Variants in HSD17B13 observed in about 807,000 individuals in gnomAD.
HSD17B13 encodes the protein 17-beta-hydroxysteroid dehydrogenase 13.
HSD17B13 carries 26 observed loss-of-function variants against 31.1 expected under a neutral mutation model. That is an observed-to-expected ratio of 0.84 (90% CI 0.61 to 1.16). HSD17B13 has a LOEUF of 1.16. Ranked by LOEUF, HSD17B13 falls within the 50% of genes most tolerant of loss-of-function variation. The pLI is 0.00. For missense variants in HSD17B13, 374 were observed against 366.5 expected, an observed-to-expected ratio of 1.02 and a Z score of -0.17; for synonymous variants, 141 against 133.7, an observed-to-expected ratio of 1.05 and a Z score of -0.38.
intron 6 of HSD17B13, among the ~76,000 whole-genome samples, chr4:87,308,648 T>TCCAG (rs1734450452): frequency 6.7e-6 from 1 of 149,234 alleles, no homozygotes; most frequent in Non-Finnish European, 1.5e-5. Context: ...GCCACTGCAC[T>TCCAG]CCAGCCTGGG....
In HSD17B13 at chr4:87,315,492, C is replaced by A. The variant is rs1156590730; in HGVS notation, c.557+1G>T. ...TAACATGGCTGGCATGTGATACTTA[C>A]CAATATGGGATGAGGTAAGGAATCC... On this transcript the variant is annotated splice_donor_variant, in intron 4 of 6. Coordinates refer to ENST00000328546, the MANE Select transcript of HSD17B13 (RefSeq NM_178135.5). LOFTEE classifies it high-confidence loss of function. 3 of 1,574,322 alleles carry A rather than the reference C, an allele frequency of 1.9e-6. No individual in the cohort carries two copies. Among genetic ancestry groups the A allele is most frequent in the Non-Finnish European group, 2.6e-6 (3 of 1,146,380 alleles).
At position 87,304,453 on chromosome 4, in the gene HSD17B13, G is replaced by A. The variant is rs566954059; in HGVS notation, c.*765C>T. The A allele has an allele frequency of 3.5e-4, 54 of 152,236 alleles. No individual in the cohort carries two copies. Among genetic ancestry groups the A allele is most frequent in the African/African-American group, 1.2e-3 (49 of 41,532 alleles). 9.4% of individuals were successfully genotyped at this position (152,236 alleles called of 1,614,324 possible). On this transcript the variant is annotated 3_prime_UTR_variant, in exon 7 of 7. Transcript: ENST00000328546. Reference sequence around the variant, plus strand: ...AGCTTTAATTTTTGAGCCTAAAATTGTCTAAACATCTCTGGGACCAAGGAT... The same window carrying A: ...AGCTTTAATTTTTGAGCCTAAAATTATCTAAACATCTCTGGGACCAAGGAT...
chr4:87,318,480 G>A (rs1167316172), intron 1 of HSD17B13, 44 bp from the exon 2 acceptor site: 3 of 1,536,890 alleles, frequency 2.0e-6, no homozygotes, highest in Admixed American at 3.3e-5. Context: ...TGGAGGAGAA[G>A]ACATTGGAGA....
intron 5 of HSD17B13, among the ~76,000 whole-genome samples, chr4:87,312,975 C>T (rs1483442055): frequency 1.3e-5 from 2 of 149,552 alleles, no homozygotes; most frequent in African/African-American, 2.6e-5. Flanking sequence ...AGGAGAATTG[C>T]TTGAACCCAG....
chr4:87,308,513 A>T lies in HSD17B13; in HGVS notation c.812+1730T>A, dbSNP rs1423778128. ...AAAAAAAAAAAAAAAAAAAAAAAAA[A>T]AAAAAAAAAAAAAAAAAATAAGCTG... On this transcript the variant is annotated intron_variant, in intron 6 of 6. Coordinates refer to ENST00000328546, the MANE Select transcript of HSD17B13 (RefSeq NM_178135.5). 5.4e-3 allele frequency among the ~76,000 whole-genome samples: 633 copies of T among 116,438 alleles called. 16 individuals are homozygous for T. The highest frequency in any genetic ancestry group is 0.023 in the African/African-American group (606 of 25,964). The allele number at this position is 116,438 out of a possible 152,430, so 76.4% of individuals were successfully genotyped here. A position where few individuals can be genotyped will look rare whatever the true frequency, so the allele number is the denominator to read the frequency against.
chr4:87,310,765 G>A (rs1211741839), intron 5 of HSD17B13, among the ~76,000 whole-genome samples: 1 of 152,152 alleles, frequency 6.6e-6, no homozygotes, highest in East Asian at 1.9e-4. Context: ...TCTTTCTTGT[G>A]GAGGTATTCC....
At chr4:87,315,814 A>G (rs1294899861) in intron 3 of HSD17B13, among the ~76,000 whole-genome samples, 2 of 152,184 alleles carry the variant, frequency 1.3e-5, no homozygotes. Context: ...CACTAATCTC[A>G]GTACTCCCCC....
At chr4:87,310,963 T>C (rs898214015) in intron 5 of HSD17B13, among the ~76,000 whole-genome samples, 4 of 152,126 alleles carry the variant, frequency 2.6e-5, no homozygotes, top group Non-Finnish European at 4.4e-5. Flanking sequence ...AAAGACCTTG[T>C]TGATAAAATA....
chr4:87,312,831 A>C (rs1307021464), intron 5 of HSD17B13, among the ~76,000 whole-genome samples: 2 of 151,818 alleles, frequency 1.3e-5, no homozygotes, highest in Non-Finnish European at 2.9e-5. Context: ...AGGCCAAGGC[A>C]GGTAGGACAC....
At chr4:87,315,217 A>T (rs545460589) in intron 4 of HSD17B13, among the ~76,000 whole-genome samples, 2 of 152,330 alleles carry the variant, frequency 1.3e-5, no homozygotes, top group East Asian at 3.9e-4. Context: ...CCAAGTAACC[A>T]GTGGAAACCT....
chr4:87,315,813 C>G (rs1432335830), intron 3 of HSD17B13, among the ~76,000 whole-genome samples: 2 of 152,174 alleles, frequency 1.3e-5, no homozygotes. Context: ...ACACTAATCT[C>G]AGTACTCCCC....
intron 1 of HSD17B13, among the ~76,000 whole-genome samples, chr4:87,321,241 G>A (rs1456660275): frequency 6.6e-6 from 1 of 151,998 alleles, no homozygotes; most frequent in Non-Finnish European, 1.5e-5. Context: ...GTGCTGCCCA[G>A]GCTGGTCTTG....
At chr4:87,309,102 G>A (rs1020835726) in intron 6 of HSD17B13, among the ~76,000 whole-genome samples, 6 of 152,064 alleles carry the variant, frequency 3.9e-5, no homozygotes, top group African/African-American at 1.4e-4. Flanking sequence ...GTCAAATAGG[G>A]CTGGGCATGA....
In HSD17B13 at chr4:87,304,257, TGAG is replaced by T. The variant is rs1230781253; in HGVS notation, c.*958_*960del. The T allele has an allele frequency of 6.6e-6, 1 of 152,256 alleles. No homozygotes were observed. Among genetic ancestry groups the T allele is most frequent in the Non-Finnish European group, 1.5e-5 (1 of 68,190 alleles). 9.4% of individuals were successfully genotyped at this position (152,256 alleles called of 1,614,324 possible). Reference sequence around the variant, plus strand: ...CCGGGAGGTGGAGCTTGCAGTGAGCTGAGATCATACCACTGCACTCCAGCCTGG... The same window carrying T: ...CCGGGAGGTGGAGCTTGCAGTGAGCTATCATACCACTGCACTCCAGCCTGG... On this transcript the variant is annotated 3_prime_UTR_variant, in exon 7 of 7. Coordinates refer to ENST00000328546, the MANE Select transcript of HSD17B13 (RefSeq NM_178135.5).
At chr4:87,308,366 T>A (rs116212737) in intron 6 of HSD17B13, among the ~76,000 whole-genome samples, 2,570 of 151,240 alleles carry the variant, frequency 0.017, 63 homozygotes, top group African/African-American at 0.059. Flanking sequence ...AATAAATAAA[T>A]AGGCTGGGCT....
intron 1 of HSD17B13, among the ~76,000 whole-genome samples, chr4:87,319,607 G>A (rs1734734724): frequency 6.6e-6 from 1 of 152,190 alleles, no homozygotes; most frequent in Non-Finnish European, 1.5e-5. Context: ...TGATGATTCT[G>A]ACTCATCCTC....
chr4:87,314,977 TA>T (rs1438397676), intron 4 of HSD17B13, among the ~76,000 whole-genome samples: 1 of 152,204 alleles, frequency 6.6e-6, no homozygotes, highest in Non-Finnish European at 1.5e-5. Context: ...ACTATAAATT[TA>T]AATTCTGTAA....
At chr4:87,314,529 A>C (rs892747440) in intron 4 of HSD17B13, among the ~76,000 whole-genome samples, 4 of 152,066 alleles carry the variant, frequency 2.6e-5, no homozygotes, top group Admixed American at 6.6e-5. Flanking sequence ...CAAATACAGC[A>C]GTACATCCTT....
rs968306621 is a variant in HSD17B13, at chr4:87,304,870, T to G, written c.*348A>C. ...ATGCTACTTGAACAGTCTTAAACCT[T>G]CCCTGTGTAAATAAGTTCTCTTTGT... On this transcript the variant is annotated 3_prime_UTR_variant, in exon 7 of 7. Transcript: ENST00000328546. The G allele has an allele frequency of 1.2e-5, 2 of 166,900 alleles. No individual in the cohort carries two copies. Among genetic ancestry groups the G allele is most frequent in the African/African-American group, 4.8e-5 (2 of 41,936 alleles). The allele number at this position is 166,900 out of a possible 1,614,324, so 10.3% of individuals were successfully genotyped here. A position where few individuals can be genotyped will look rare whatever the true frequency, so the allele number is the denominator to read the frequency against.
Sources: gnomAD v4.1 joint callset for allele counts (sites outside exome capture counted in the v4.1 genomes callset) on GRCh38, gnomAD v4.1.1 for gene constraint, MANE v1.5 for transcripts, NCBI Gene and HGNC (gene_info 2026-07-23, HGNC 2026-07-21) for gene names.